The following AOX1 variants were observed in gnomAD, a reference collection of about 807,000 sequenced individuals.
AOX1 encodes the protein aldehyde oxidase 1.
AOX1 carries 153 observed loss-of-function variants against 169.5 expected under a neutral mutation model. The observed-to-expected ratio is 0.90, with a 90% CI of 0.79 to 1.03. AOX1 has a LOEUF of 1.03. AOX1 is among the 50% of genes least tolerant of loss of function. The pLI is 0.00. For synonymous variants in AOX1, 562 were observed against 581.9 expected (o/e 0.97, Z 0.49); for missense variants, 1,656 against 1,663.9 (o/e 1.00, Z 0.08).
At chr2:200,630,290 A>G (rs1021747961) in intron 20 of AOX1, among the ~76,000 whole-genome samples, 1 of 151,490 alleles carries the variant, frequency 6.6e-6, no homozygotes. Flanking sequence ...TGTGAGGCTG[A>G]AGCAGGCAGA....
intron 23 of AOX1, among the ~76,000 whole-genome samples, chr2:200,640,111 C>G (rs1377396772): frequency 6.6e-6 from 1 of 150,386 alleles, no homozygotes; most frequent in Non-Finnish European, 1.5e-5. Context: ...AGCAAAACTA[C>G]AGAGGTGTAA....
intron 2 of AOX1, among the ~76,000 whole-genome samples, chr2:200,594,368 C>T (rs2034235590): frequency 6.6e-6 from 1 of 152,156 alleles, no homozygotes; most frequent in Non-Finnish European, 1.5e-5. Context: ...TGGTCAGTTA[C>T]CCTCTGTGTT....
chr2:200,634,455 G>A (rs985996165), intron 20 of AOX1, among the ~76,000 whole-genome samples: 1 of 152,108 alleles, frequency 6.6e-6, no homozygotes, highest in Non-Finnish European at 1.5e-5. Context: ...CCTAGAGCTG[G>A]AAGCCTCCGC....
chr2:200,605,751 T>C (rs958363916), intron 10 of AOX1, 123 bp downstream of exon 10: 3 of 450,330 alleles, frequency 6.7e-6, no homozygotes, highest in African/African-American at 4.0e-5. Flanking sequence ...TCTCTTCTTA[T>C]AAGAATGATA....
At chr2:200,587,951 G>A (rs2034073232) in intron 1 of AOX1, among the ~76,000 whole-genome samples, 1 of 152,230 alleles carries the variant, frequency 6.6e-6, no homozygotes, top group Admixed American at 6.5e-5. Context: ...ATGCCAGTCA[G>A]TGTTCCAGGC....
intron 4 of AOX1, 134 bp from the exon 5 acceptor site, chr2:200,599,486 G>C (rs971542947): frequency 3.1e-6 from 2 of 645,342 alleles, no homozygotes; most frequent in Non-Finnish European, 5.0e-6. Context: ...GATGAGAAGG[G>C]CTCCCAGGGG....
chr2:200,667,140 G>A (rs930042437), intron 32 of AOX1, among the ~76,000 whole-genome samples: 6 of 152,182 alleles, frequency 3.9e-5, no homozygotes, highest in African/African-American at 1.4e-4. Context: ...AGTCATCAGA[G>A]CAGTAGCTGT....
At chr2:200,622,124 A>G (rs1358713094) in intron 18 of AOX1, among the ~76,000 whole-genome samples, 2 of 152,084 alleles carry the variant, frequency 1.3e-5, no homozygotes, top group Non-Finnish European at 2.9e-5. Flanking sequence ...TATGATCTCT[A>G]CTCTCATGGA....
At chr2:200,598,145 G>A (rs1051302768) in intron 4 of AOX1, among the ~76,000 whole-genome samples, 4 of 151,624 alleles carry the variant, frequency 2.6e-5, no homozygotes, top group African/African-American at 4.8e-5. Flanking sequence ...GAGGAGGGAG[G>A]AAGGGAGGGA....
At chr2:200,622,875 G>A (rs2034915138) in intron 18 of AOX1, among the ~76,000 whole-genome samples, 1 of 152,114 alleles carries the variant, frequency 6.6e-6, no homozygotes, top group Non-Finnish European at 1.5e-5. Context: ...ACACAAAAAT[G>A]GGAAAGTATT....
In AOX1 at chr2:200,641,131, C is replaced by T. The variant is rs753212226; in HGVS notation, c.2602C>T (p.Leu868=). Residue 868 remains leucine (L), a synonymous_variant, in exon 24 of 35, where the codon CTG becomes TTG. Transcript: ENST00000374700. ...CATGAACGATGGCAGAATCTTGGCC[C>T]TGGACATGGAGCATTACAGCAATGC... is the stretch of plus-strand genomic sequence containing the variant. The part of the protein sequence containing the change: ...GFMNDGRILA[L]DMEHYSNAGA... 1 of 1,613,458 alleles carries T rather than the reference C, an allele frequency of 6.2e-7. No homozygotes were observed. The highest frequency in any genetic ancestry group is 1.3e-5 in the African/African-American group (1 of 75,034).
downstream of AOX1, among the ~76,000 whole-genome samples, chr2:200,675,936 C>T (rs542952028): frequency 6.7e-6 from 1 of 149,218 alleles, no homozygotes; most frequent in African/African-American, 2.5e-5. Flanking sequence ...TTTGCACCAA[C>T]CTATAACTTG....
intron 23 of AOX1, among the ~76,000 whole-genome samples, chr2:200,639,825 A>G (rs1326159895): frequency 6.6e-6 from 1 of 152,054 alleles, no homozygotes; most frequent in African/African-American, 2.4e-5. Flanking sequence ...GCCTGAGCTC[A>G]GGAGTTAGAG....
chr2:200,611,736 G>A (rs12472146), intron 13 of AOX1, among the ~76,000 whole-genome samples: 52,526 of 147,782 alleles, frequency 0.36, 9,363 homozygotes, highest in East Asian at 0.44. Flanking sequence ...ATCGAGTCTC[G>A]CTCTTTTGCC....
At chr2:200,628,937 A>G (rs2035059154) in intron 20 of AOX1, among the ~76,000 whole-genome samples, 1 of 152,056 alleles carries the variant, frequency 6.6e-6, no homozygotes, top group Non-Finnish European at 1.5e-5. Context: ...AAACAAACAA[A>G]CAAACAAACA....
intron 23 of AOX1, among the ~76,000 whole-genome samples, chr2:200,638,699 C>G (rs554038667): frequency 6.6e-6 from 1 of 152,058 alleles, no homozygotes; most frequent in African/African-American, 2.4e-5. Context: ...TAAATGGGTT[C>G]CTCATTCTTC....
At chr2:200,659,786 TCACACACA>T (rs56916091) in intron 28 of AOX1, among the ~76,000 whole-genome samples, 23 of 96,104 alleles carry the variant, frequency 2.4e-4, no homozygotes, top group African/African-American at 7.8e-4. Context: ...GTTCTCTCTC[TCACACACA>T]CACACACACA....
downstream of AOX1, among the ~76,000 whole-genome samples, chr2:200,676,322 G>A (rs796520568): frequency 5.9e-5 from 9 of 152,200 alleles, no homozygotes; most frequent in African/African-American, 2.2e-4. Flanking sequence ...GTTTAAGGCC[G>A]GGTGCAGTGA....
intron 9 of AOX1, 82 bp downstream of exon 9, chr2:200,604,922 C>A (rs1418994768): frequency 8.0e-7 from 1 of 1,245,876 alleles, no homozygotes; most frequent in East Asian, 2.3e-5. Context: ...GGGGAAACTT[C>A]ATATACATGT....
Sources: gnomAD v4.1 joint callset for allele counts (sites outside exome capture counted in the v4.1 genomes callset) on GRCh38, gnomAD v4.1.1 for gene constraint, MANE v1.5 for transcripts, NCBI Gene and HGNC (gene_info 2026-07-23, HGNC 2026-07-21) for gene names.